Variants in PTPRR observed in about 807,000 individuals in gnomAD.
PTPRR encodes receptor-type tyrosine-protein phosphatase R.
Under a neutral mutation model 77.2 loss-of-function variants are expected in PTPRR, and 38 were observed. That is an observed-to-expected ratio of 0.49 (90% confidence interval 0.38 to 0.65). PTPRR has a LOEUF of 0.65. PTPRR is among the 30% of genes least tolerant of loss of function. PTPRR has a pLI of 0.00. For synonymous variants in PTPRR, 299 were observed against 283.1 expected (o/e 1.06, Z -0.57); for missense variants, 744 against 799.2 (o/e 0.93, Z 0.83).
At chr12:70,800,176 T>C (rs1456620782) in intron 2 of PTPRR, among the ~76,000 whole-genome samples, 1 of 151,888 alleles carries the variant, frequency 6.6e-6, no homozygotes, top group East Asian at 1.9e-4. Flanking sequence ...CTAAAACACC[T>C]GGAGTGCATG....
intron 1 of PTPRR, among the ~76,000 whole-genome samples, chr12:70,899,116 G>A (rs997947452): frequency 4.6e-5 from 7 of 151,004 alleles, no homozygotes; most frequent in Non-Finnish European, 1.0e-4. Flanking sequence ...GGACCAAATG[G>A]CATAATTGAA....
chr12:70,797,550 A>T (rs552307470), intron 2 of PTPRR, among the ~76,000 whole-genome samples: 1 of 152,216 alleles, frequency 6.6e-6, no homozygotes, highest in South Asian at 2.1e-4. Context: ...CCTCATCATC[A>T]TCTCTATTCT....
chr12:70,862,830 AAAG>A (rs1400151047), intron 2 of PTPRR, among the ~76,000 whole-genome samples: 5 of 152,148 alleles, frequency 3.3e-5, no homozygotes, highest in Admixed American at 2.6e-4. Flanking sequence ...CCAGAACAAA[AAAG>A]AAGTACACCA....
At chr12:70,642,480 T>A (rs1886042075) in intron 13 of PTPRR, among the ~76,000 whole-genome samples, 1 of 152,168 alleles carries the variant, frequency 6.6e-6, no homozygotes, top group Admixed American at 6.5e-5. Context: ...TCTAAGGCAT[T>A]ATTAAAAAAT....
intron 13 of PTPRR, among the ~76,000 whole-genome samples, chr12:70,643,695 G>T (rs113056621): frequency 1.3e-5 from 2 of 152,076 alleles, no homozygotes; most frequent in African/African-American, 4.8e-5. Flanking sequence ...CTAAAATCTG[G>T]ATCTATATTA....
At chr12:70,645,097 G>T (rs1044500242) in intron 13 of PTPRR, among the ~76,000 whole-genome samples, 1 of 152,138 alleles carries the variant, frequency 6.6e-6, no homozygotes. Flanking sequence ...TTCTACAAAG[G>T]TGGCTGAGGA....
intron 10 of PTPRR, chr12:70,672,864 G>A (rs1386112114): frequency 6.4e-7 from 1 of 1,558,852 alleles, no homozygotes. Context: ...TGGTGTGATG[G>A]CTCCTGCACA....
At chr12:70,720,079 T>A (rs1283521499) in intron 6 of PTPRR, among the ~76,000 whole-genome samples, 1 of 152,260 alleles carries the variant, frequency 6.6e-6, no homozygotes, top group African/African-American at 2.4e-5. Flanking sequence ...GAGATTATTT[T>A]ATTTTAAAAT....
intron 2 of PTPRR, among the ~76,000 whole-genome samples, chr12:70,805,461 C>A (rs562467034): frequency 1.3e-5 from 2 of 152,052 alleles, no homozygotes; most frequent in African/African-American, 4.8e-5. Context: ...TTAAGCGATC[C>A]TCCCACCTCA....
intron 6 of PTPRR, among the ~76,000 whole-genome samples, chr12:70,730,837 A>C (rs1490417363): frequency 1.3e-5 from 2 of 151,214 alleles, no homozygotes; most frequent in Non-Finnish European, 3.0e-5. Context: ...GGAAGGAGAG[A>C]GAATGAGAGA....
At chr12:70,831,208 C>T (rs1262329691) in intron 2 of PTPRR, among the ~76,000 whole-genome samples, 1 of 152,130 alleles carries the variant, frequency 6.6e-6, no homozygotes, top group Admixed American at 6.6e-5. Flanking sequence ...AACAAAAAAA[C>T]TCATATTATG....
At chr12:70,812,085 A>G (rs1443194389) in intron 2 of PTPRR, among the ~76,000 whole-genome samples, 3 of 152,232 alleles carry the variant, frequency 2.0e-5, no homozygotes, top group Non-Finnish European at 4.4e-5. Flanking sequence ...CTGCTATGCA[A>G]GAACAGTTTA....
chr12:70,880,335 C>T (rs1363162062), intron 2 of PTPRR, among the ~76,000 whole-genome samples: 1 of 152,020 alleles, frequency 6.6e-6, no homozygotes, highest in Non-Finnish European at 1.5e-5. Flanking sequence ...TAGTAAATGC[C>T]TAATTTGGGA....
intron 6 of PTPRR, among the ~76,000 whole-genome samples, chr12:70,716,260 T>C (rs899054684): frequency 6.6e-6 from 1 of 152,078 alleles, no homozygotes; most frequent in Admixed American, 6.5e-5. Flanking sequence ...ACTATATATG[T>C]ACTCTAACTT....
intron 2 of PTPRR, among the ~76,000 whole-genome samples, chr12:70,858,381 T>C (rs916538637): frequency 3.3e-5 from 5 of 152,082 alleles, no homozygotes; most frequent in African/African-American, 7.2e-5. Flanking sequence ...AAGTTTTAAA[T>C]TGTCAGGGCA....
chr12:70,783,193 G>A (rs1358536485), intron 2 of PTPRR, among the ~76,000 whole-genome samples: 2 of 131,642 alleles, frequency 1.5e-5, no homozygotes, highest in African/African-American at 2.9e-5. Context: ...GCTTTATTAA[G>A]TGTTAGAACA....
chr12:70,745,898 A>G lies in PTPRR; in HGVS notation c.927T>C (p.Gly309=). Residue 309 remains glycine (G), a synonymous_variant, in exon 6 of 14, where the codon GGT becomes GGC. Coordinates refer to ENST00000283228, the MANE Select transcript of PTPRR (RefSeq NM_002849.4). The part of the protein sequence containing the change: ...LNVVVDPQGR[G]APEIKATTAT... ...CGGTGGTAGCTTTGATCTCAGGAGC[A>G]CCTCGGCCTTGAGGGTCCACGACAA... 1 of 1,614,036 alleles carries G rather than the reference A, an allele frequency of 6.2e-7. No homozygotes were observed. Among genetic ancestry groups the G allele is most frequent in the Non-Finnish European group, 8.5e-7 (1 of 1,179,998 alleles).
chr12:70,890,720 C>T (rs529273449), intron 2 of PTPRR, among the ~76,000 whole-genome samples: 94 of 152,206 alleles, frequency 6.2e-4, no homozygotes, highest in Middle Eastern at 3.4e-3. Context: ...ATCCCTCAAA[C>T]AAGAAGGTCT....
At chr12:70,843,335 G>A (rs1312362710) in intron 2 of PTPRR, among the ~76,000 whole-genome samples, 2 of 152,162 alleles carry the variant, frequency 1.3e-5, no homozygotes, top group Admixed American at 6.6e-5. Context: ...TTTATGAACT[G>A]AAAACATTTA....
Sources: gnomAD v4.1 joint callset for allele counts (sites outside exome capture counted in the v4.1 genomes callset) on GRCh38, gnomAD v4.1.1 for gene constraint, MANE v1.5 for transcripts, NCBI Gene and HGNC (gene_info 2026-07-23, HGNC 2026-07-21) for gene names.